The following LSAMP variants were observed in gnomAD, a reference collection of about 807,000 sequenced individuals.
LSAMP encodes limbic system associated membrane protein, also known as limbic system-associated membrane protein.
Under a neutral mutation model 38.6 loss-of-function variants are expected in LSAMP, and 7 were observed. That is an observed-to-expected ratio of 0.18 (90% CI 0.10 to 0.34). The LOEUF (loss-of-function observed/expected upper bound fraction) is 0.34. Among genes scored for constraint, LSAMP ranks in the 10% least tolerant of loss-of-function variants. The pLI is 1.00. For synonymous variants in LSAMP, 154 were observed against 166.8 expected (o/e 0.92, Z 0.59); for missense variants, 313 against 420.0 (o/e 0.75, Z 2.23).
intron 3 of LSAMP, among the ~76,000 whole-genome samples, chr3:115,968,923 C>T (rs1275406846): frequency 6.6e-6 from 1 of 152,222 alleles, no homozygotes; most frequent in Non-Finnish European, 1.5e-5. Flanking sequence ...TAAATGCTCC[C>T]TCCAGCAGCA....
intron 2 of LSAMP, among the ~76,000 whole-genome samples, chr3:116,069,011 A>C (rs948548725): frequency 1.3e-5 from 2 of 152,254 alleles, no homozygotes; most frequent in Non-Finnish European, 2.9e-5. Flanking sequence ...ATCACTTTAC[A>C]TAAACTATGC....
chr3:116,445,151 G>A lies in LSAMP; in HGVS notation c.-120C>T, dbSNP rs2049494421. 1 of 975,700 alleles carries A rather than the reference G, an allele frequency of 1.0e-6. No homozygotes were observed. The highest frequency in any genetic ancestry group is 2.6e-5 in the Admixed American group (1 of 38,080). The allele number at this position is 975,700 out of a possible 1,614,324, so 60.4% of individuals were successfully genotyped here. A position where few individuals can be genotyped will look rare whatever the true frequency, so the allele number is the denominator to read the frequency against. ...AGCGAGCGCAGAGCGGGCTTTGCCA[G>A]TTTATGGTCCTTTCCACTTTGCCTC... On this transcript the variant is annotated 5_prime_UTR_variant, in exon 1 of 7. Transcript: ENST00000490035.
chr3:116,427,483 T>C (rs1346213704), intron 1 of LSAMP, among the ~76,000 whole-genome samples: 1 of 152,230 alleles, frequency 6.6e-6, no homozygotes, highest in African/African-American at 2.4e-5. Flanking sequence ...ATTTTTTGAA[T>C]AGCCATCAGA....
At chr3:116,095,311 T>C (rs548167095) in intron 1 of LSAMP, among the ~76,000 whole-genome samples, 1 of 152,312 alleles carries the variant, frequency 6.6e-6, no homozygotes, top group Non-Finnish European at 1.5e-5. Flanking sequence ...TCTGGAGCAA[T>C]GAAAAGGCCT....
At chr3:115,841,227 C>G (rs1041910284) in intron 6 of LSAMP, among the ~76,000 whole-genome samples, 1 of 152,208 alleles carries the variant, frequency 6.6e-6, no homozygotes, top group African/African-American at 2.4e-5. Flanking sequence ...TTCCTCTTTC[C>G]TACCATTCCA....
intron 3 of LSAMP, among the ~76,000 whole-genome samples, chr3:115,948,097 T>G (rs1416694284): frequency 6.6e-6 from 1 of 152,184 alleles, no homozygotes; most frequent in Non-Finnish European, 1.5e-5. Flanking sequence ...TCCAAGAACA[T>G]TTCAATCTCT....
chr3:116,185,830 G>A (rs1478491355), intron 1 of LSAMP, among the ~76,000 whole-genome samples: 5 of 150,832 alleles, frequency 3.3e-5, no homozygotes, highest in African/African-American at 1.2e-4. Context: ...TCCACACCCA[G>A]TGCTATTACT....
chr3:116,051,377 C>T (rs1941393633), intron 2 of LSAMP: 1 of 152,258 alleles, frequency 6.6e-6, no homozygotes, highest in African/African-American at 2.4e-5. Context: ...CCTGAGATGA[C>T]TTCCAAAAGC....
intron 3 of LSAMP, among the ~76,000 whole-genome samples, chr3:115,971,508 C>T (rs1170257129): frequency 2.6e-5 from 4 of 152,110 alleles, no homozygotes; most frequent in Non-Finnish European, 4.4e-5. Context: ...ACTGACTGAC[C>T]TAATATTATG....
chr3:116,235,265 A>T (rs1303958589), intron 1 of LSAMP, among the ~76,000 whole-genome samples: 1 of 151,958 alleles, frequency 6.6e-6, no homozygotes, highest in Non-Finnish European at 1.5e-5. Context: ...CAGGCACATG[A>T]TACTATGCCC....
intron 1 of LSAMP, among the ~76,000 whole-genome samples, chr3:116,208,387 T>G (rs1378723326): frequency 6.6e-6 from 1 of 152,080 alleles, no homozygotes; most frequent in African/African-American, 2.4e-5. Flanking sequence ...GTCTGAAGCC[T>G]TCTTCTCTCA....
chr3:115,848,163 C>G (rs1046911891), intron 4 of LSAMP, among the ~76,000 whole-genome samples: 1 of 152,172 alleles, frequency 6.6e-6, no homozygotes, highest in Non-Finnish European at 1.5e-5. Context: ...CAGTCTGGTT[C>G]CATATTAAAC....
intron 1 of LSAMP, among the ~76,000 whole-genome samples, chr3:116,296,209 C>T (rs1043844156): frequency 1.3e-5 from 2 of 152,156 alleles, no homozygotes; most frequent in Admixed American, 6.5e-5. Context: ...CTGTATTGAA[C>T]AGGACAAAGC....
intron 1 of LSAMP, among the ~76,000 whole-genome samples, chr3:116,345,052 T>C (rs368905479): frequency 6.6e-6 from 1 of 152,172 alleles, no homozygotes; most frequent in Non-Finnish European, 1.5e-5. Context: ...ATTGAACACA[T>C]AATTCTGCAC....
intron 3 of LSAMP, among the ~76,000 whole-genome samples, chr3:115,942,875 T>C (rs942531734): frequency 1.3e-5 from 2 of 152,164 alleles, no homozygotes; most frequent in African/African-American, 4.8e-5. Context: ...CATCCATGGC[T>C]TTAACAGACT....
At chr3:115,938,250 C>G (rs1257222698) in intron 3 of LSAMP, among the ~76,000 whole-genome samples, 2 of 152,156 alleles carry the variant, frequency 1.3e-5, no homozygotes, top group Non-Finnish European at 2.9e-5. Flanking sequence ...CAGACCCATA[C>G]TTGCCAAAAT....
intron 1 of LSAMP, among the ~76,000 whole-genome samples, chr3:116,192,446 A>T (rs1456955587): frequency 6.6e-6 from 1 of 151,978 alleles, no homozygotes; most frequent in Non-Finnish European, 1.5e-5. Context: ...TACTCTCTCA[A>T]TTTCTCTGTC....
At chr3:116,373,331 G>A (rs1402462098) in intron 1 of LSAMP, among the ~76,000 whole-genome samples, 1 of 151,630 alleles carries the variant, frequency 6.6e-6, no homozygotes, top group Non-Finnish European at 1.5e-5. Flanking sequence ...ATTATGCTAA[G>A]TGAAATAAGC....
rs568696946 is a variant in LSAMP at position 116,135,219 on chromosome 3, C to T, written c.156-48663G>A. Among the ~76,000 whole-genome samples the T allele has an allele frequency of 4.6e-5, 7 of 152,270 alleles. No homozygotes were observed. The South Asian group carries it at 1.5e-3, about 32-fold the overall frequency. On this transcript the variant is annotated intron_variant, in intron 1 of 6. Coordinates refer to ENST00000490035, the MANE Select transcript of LSAMP (RefSeq NM_002338.5). ...ACTAAAGTCAATGCTCTTAATATTA[C>T]AAACATCACCATCCATGTATCTTTT... is the stretch of plus-strand genomic sequence containing the variant.
Sources: gnomAD v4.1 joint callset for allele counts (sites outside exome capture counted in the v4.1 genomes callset) on GRCh38, gnomAD v4.1.1 for gene constraint, MANE v1.5 for transcripts, NCBI Gene and HGNC (gene_info 2026-07-23, HGNC 2026-07-21) for gene names.